The following KCNIP4 variants were observed in gnomAD, a reference collection of about 807,000 sequenced individuals.
KCNIP4 encodes potassium voltage-gated channel interacting protein 4, also known as Kv channel-interacting protein 4.
Under a neutral mutation model 34.0 loss-of-function variants are expected in KCNIP4, and 12 were observed. The ratio of observed to expected loss-of-function variants is 0.35; its 90% CI spans 0.23 to 0.57. The LOEUF (loss-of-function observed/expected upper bound fraction) is 0.57. Ranked by LOEUF, KCNIP4 falls within the 20% of genes least tolerant of loss-of-function variation. The pLI, the probability that KCNIP4 is intolerant of heterozygous loss-of-function variation, is 0.83. For missense variants in KCNIP4, 238 were observed against 311.7 expected (o/e 0.76, Z 1.78); for synonymous variants, 124 against 102.2 (o/e 1.21, Z -1.29).
chr4:21,924,882 G>C (rs1181496868), intron 1 of KCNIP4, among the ~76,000 whole-genome samples: 1 of 151,806 alleles, frequency 6.6e-6, no homozygotes, highest in East Asian at 2.0e-4. Flanking sequence ...AGTTGAGTTT[G>C]ATCATGCTAC....
intron 3 of KCNIP4, among the ~76,000 whole-genome samples, chr4:20,826,854 T>C (rs993161290): frequency 1.3e-5 from 2 of 152,138 alleles, no homozygotes; most frequent in Admixed American, 6.5e-5. Context: ...GGAAACAAGG[T>C]CTTCTAAAAG....
At chr4:20,928,750 A>C (rs777090289) in intron 1 of KCNIP4, among the ~76,000 whole-genome samples, 5 of 152,018 alleles carry the variant, frequency 3.3e-5, no homozygotes, top group Admixed American at 1.3e-4. Flanking sequence ...AAATAAAATC[A>C]GAAATAAAAG....
At chr4:21,853,022 T>C (rs952084875) in intron 1 of KCNIP4, 1 of 150,664 alleles carries the variant, frequency 6.6e-6, no homozygotes, top group African/African-American at 2.4e-5. Context: ...AGTTTTGCCT[T>C]GCTGAATTAG....
intron 1 of KCNIP4, among the ~76,000 whole-genome samples, chr4:21,377,656 C>T (rs887029397): frequency 4.6e-5 from 7 of 152,110 alleles, no homozygotes; most frequent in Admixed American, 6.6e-5. Flanking sequence ...TGGTTGTTTG[C>T]GTCCAAGCTT....
intron 1 of KCNIP4, among the ~76,000 whole-genome samples, chr4:21,504,940 G>T (rs16871264): frequency 0.017 from 2,512 of 152,194 alleles, 72 homozygotes; most frequent in African/African-American, 0.056. Flanking sequence ...TTTGTGGTAA[G>T]GTAGCCAATA....
In KCNIP4 at chr4:21,369,818, ATT is replaced by A. The variant is rs5856627; in HGVS notation, c.62-487111_62-487110del. Among the ~76,000 whole-genome samples, 14 of 131,660 alleles carry A rather than the reference ATT, an allele frequency of 1.1e-4. 1 individual carries two copies. The highest frequency in any genetic ancestry group is 7.1e-4 in the East Asian group (3 of 4,202). 86.4% of individuals were successfully genotyped at this position (131,660 alleles called of 152,430 possible). A position where few individuals can be genotyped will look rare whatever the true frequency, so the allele number is the denominator to read the frequency against. On this transcript the variant is annotated intron_variant, in intron 1 of 8. Coordinates refer to ENST00000382152, the MANE Select transcript of KCNIP4 (RefSeq NM_025221.6). The stretch of plus-strand genomic sequence containing the variant: ...AAGGGCCGAGACCTTAACCCAAATA[ATT>A]TTTTTTTTTTTTTTTTTTTTAGACG...
intron 3 of KCNIP4, among the ~76,000 whole-genome samples, chr4:20,799,381 C>G (rs890253373): frequency 6.6e-6 from 1 of 152,176 alleles, no homozygotes; most frequent in Non-Finnish European, 1.5e-5. Context: ...GTGCCCTGCT[C>G]CCCAGGCATC....
At chr4:21,210,465 G>A (rs1281500945) in intron 1 of KCNIP4, among the ~76,000 whole-genome samples, 1 of 152,138 alleles carries the variant, frequency 6.6e-6, no homozygotes, top group African/African-American at 2.4e-5. Context: ...TAGAAAGGAA[G>A]ACACTCAATA....
chr4:20,871,154 T>G (rs887987693), intron 2 of KCNIP4, among the ~76,000 whole-genome samples: 6 of 152,076 alleles, frequency 3.9e-5, no homozygotes, highest in African/African-American at 1.4e-4. Flanking sequence ...GAGTGCCTAT[T>G]ATGACCCAGG....
chr4:21,807,363 A>G (rs911186017), intron 1 of KCNIP4, among the ~76,000 whole-genome samples: 3 of 152,156 alleles, frequency 2.0e-5, no homozygotes, highest in African/African-American at 7.2e-5. Context: ...GCATCTGGTA[A>G]TTTACACATC....
At chr4:21,601,526 T>A (rs1040231716) in intron 1 of KCNIP4, among the ~76,000 whole-genome samples, 2 of 152,066 alleles carry the variant, frequency 1.3e-5, no homozygotes, top group South Asian at 2.1e-4. Context: ...CCTAAACATG[T>A]CCTCCACCCA....
chr4:21,293,573 G>A (rs1426832384), intron 1 of KCNIP4, among the ~76,000 whole-genome samples: 6 of 152,136 alleles, frequency 3.9e-5, no homozygotes, highest in Admixed American at 3.9e-4. Context: ...GAGAGACAGG[G>A]GGACCCCTAA....
intron 1 of KCNIP4, among the ~76,000 whole-genome samples, chr4:20,972,187 T>A (rs2149678560): frequency 6.6e-6 from 1 of 152,292 alleles, no homozygotes; most frequent in Middle Eastern, 3.4e-3. Context: ...GAAGTCAACT[T>A]TTTCCAAACT....
chr4:20,731,619 TA>T (rs1748236623), intron 8 of KCNIP4: 7 of 985,200 alleles, frequency 7.1e-6, no homozygotes, highest in Non-Finnish European at 4.8e-6. Flanking sequence ...TGTGATGCCA[TA>T]CTTGGCTATC....
At chr4:21,563,984 T>C (rs536426502) in intron 1 of KCNIP4, among the ~76,000 whole-genome samples, 1 of 152,232 alleles carries the variant, frequency 6.6e-6, no homozygotes, top group African/African-American at 2.4e-5. Context: ...CATATACCTT[T>C]TTACTAAGCA....
At chr4:21,910,683 T>C (rs1435184653) in intron 1 of KCNIP4, among the ~76,000 whole-genome samples, 1 of 152,216 alleles carries the variant, frequency 6.6e-6, no homozygotes, top group Non-Finnish European at 1.5e-5. Context: ...GGCTTTTCAT[T>C]ACTCTCTAAT....
At chr4:21,793,005 C>T (rs540964620) in intron 1 of KCNIP4, among the ~76,000 whole-genome samples, 2 of 151,138 alleles carry the variant, frequency 1.3e-5, no homozygotes, top group East Asian at 3.9e-4. Flanking sequence ...AAAGCTACTG[C>T]CTTAGGTGTT....
intron 1 of KCNIP4, among the ~76,000 whole-genome samples, chr4:21,169,789 A>C (rs1000346209): frequency 4.0e-5 from 6 of 151,726 alleles, no homozygotes; most frequent in African/African-American, 1.2e-4. Flanking sequence ...CGTCCCAATT[A>C]GTACTCAAAC....
At chr4:21,017,680 G>A (rs1022044535) in intron 1 of KCNIP4, among the ~76,000 whole-genome samples, 3 of 152,098 alleles carry the variant, frequency 2.0e-5, no homozygotes, top group Admixed American at 1.3e-4. Context: ...ATAATAGAAT[G>A]ATTTATATTC....
Sources: allele counts gnomAD v4.1 joint callset (sites outside exome capture counted in the v4.1 genomes callset), GRCh38; gene constraint gnomAD v4.1.1; transcripts MANE v1.5; gene names NCBI Gene and HGNC (gene_info 2026-07-23, HGNC 2026-07-21).